The following SNED1 variants were observed in gnomAD, a reference collection of about 807,000 sequenced individuals.
The protein encoded by SNED1 is sushi, nidogen and EGF-like domain-containing protein 1.
A neutral mutation model predicts 166.7 loss-of-function variants in SNED1; 81 were observed. That is an observed-to-expected ratio of 0.49 (90% CI 0.41 to 0.58). The LOEUF is 0.58. Among genes scored for constraint, SNED1 ranks in the 20% least tolerant of loss-of-function variants. SNED1 has a pLI of 0.00. For synonymous variants in SNED1, 762 were observed against 822.0 expected (o/e 0.93, Z 1.25); for missense variants, 1,604 against 2,000.2 (o/e 0.80, Z 3.78).
chr2:241,036,268 C>T (rs974774530), intron 4 of SNED1, among the ~76,000 whole-genome samples: 11 of 151,844 alleles, frequency 7.2e-5, no homozygotes, highest in South Asian at 2.1e-4. Context: ...CACGAACAGG[C>T]CCCCGCTTGC....
chr2:241,068,949 C>T lies in SNED1; in HGVS notation c.3233C>T (p.Thr1078Ile), dbSNP rs930631735. 2.6e-6 allele frequency: 4 copies of T among 1,555,894 alleles called. No homozygotes were observed. The highest frequency in any genetic ancestry group is 3.5e-6 in the Non-Finnish European group (4 of 1,149,960). ...LPGKRYTIQL[T>I]TLSGLRGEEH... Reference sequence around the variant, plus strand: ...GGGAAGAGGTACACCATCCAGCTGACCACCCTCAGTGGGCTCAGGGGAGAG... The same window carrying T: ...GGGAAGAGGTACACCATCCAGCTGATCACCCTCAGTGGGCTCAGGGGAGAG... Residue 1078 changes from threonine (T) to isoleucine (I), a missense_variant, in exon 23 of 32, where the codon ACC (threonine) becomes ATC (isoleucine). Physicochemically the swap from Thr to Ile is moderately conservative, Grantham distance 89 (BLOSUM62 -1). This residue lies in a region of SNED1 where 1,237 missense variants were observed against 1,620.8 expected (regional missense o/e 0.76). Coordinates refer to ENST00000310397, the MANE Select transcript of SNED1 (RefSeq NM_001080437.3). The surrounding 1 kb of genome is among the most constrained non-coding windows in gnomAD (Gnocchi z 5.3).
chr2:241,048,703 C>T lies in SNED1; in HGVS notation c.1441C>T (p.Leu481=), dbSNP rs766043184. The part of the protein sequence containing the change: ...DCECRNGGRC[L]GANTTLCQCP... ...TGAGTGCCGCAACGGAGGCAGATGC[C>T]TGGGCGCCAACACCACCCTCTGCCA... Residue 481 remains leucine, a synonymous_variant, in exon 10 of 32, where the codon CTG becomes TTG. Coordinates refer to ENST00000310397, the MANE Select transcript of SNED1 (RefSeq NM_001080437.3). 6.2e-7 allele frequency: 1 copy of T among 1,612,956 alleles called. No individual in the cohort carries two copies. The highest frequency in any genetic ancestry group is 1.7e-5 in the Admixed American group (1 of 59,922).
chr2:241,077,549 T>G (rs1273528322), intron 27 of SNED1, among the ~76,000 whole-genome samples: 7 of 151,828 alleles, frequency 4.6e-5, no homozygotes, highest in African/African-American at 1.5e-4. Context: ...AATAAAGAGC[T>G]CTGACAACTG....
At chr2:241,020,582 C>G (rs2060741723) in intron 1 of SNED1, among the ~76,000 whole-genome samples, 1 of 152,234 alleles carries the variant, frequency 6.6e-6, no homozygotes, top group East Asian at 1.9e-4. Flanking sequence ...TTTAGGCCAC[C>G]AGGACCTGTT....
chr2:241,020,012 C>T (rs2060724614), intron 1 of SNED1, among the ~76,000 whole-genome samples: 3 of 152,204 alleles, frequency 2.0e-5, no homozygotes, highest in Admixed American at 2.0e-4. Context: ...CTGGGGTCCA[C>T]AGAGGATGGA....
chr2:241,024,235 CTTTTTTTTTTTTT>C (rs10664618), intron 1 of SNED1, among the ~76,000 whole-genome samples: 4 of 46,908 alleles, frequency 8.5e-5, no homozygotes, highest in African/African-American at 3.4e-4. Flanking sequence ...ACTCTACTAC[CTTTTTTTTTTTTT>C]TTTTTTTTTT....
intron 29 of SNED1, 114 bp from the exon 30 acceptor site, chr2:241,087,275 TAGC>T: frequency 2.5e-6 from 2 of 797,272 alleles, no homozygotes; most frequent in Non-Finnish European, 4.0e-6. Context: ...ATTCAGAAAA[TAGC>T]AGTTTTTCCC....
At chr2:241,010,331 C>G (rs749448483) in intron 1 of SNED1, 3 of 152,352 alleles carry the variant, frequency 2.0e-5, no homozygotes, top group Admixed American at 2.0e-4. Context: ...GCTCCCCAGA[C>G]GCTTCAGCTC....
intron 27 of SNED1, among the ~76,000 whole-genome samples, chr2:241,078,674 A>G (rs1319166321): frequency 6.6e-6 from 1 of 151,872 alleles, no homozygotes; most frequent in Non-Finnish European, 1.5e-5. Flanking sequence ...GCTAAAAGGT[A>G]CAAGGTTTCT....
chr2:241,036,728 G>T (rs1479972091), intron 4 of SNED1, 62 bp from the exon 5 acceptor site: 4 of 1,592,374 alleles, frequency 2.5e-6, no homozygotes, highest in Non-Finnish European at 3.4e-6. Flanking sequence ...GCGGATGGGA[G>T]TGGCTCTCCT....
chr2:241,004,049 G>A (rs953873563), intron 1 of SNED1, among the ~76,000 whole-genome samples: 3 of 152,274 alleles, frequency 2.0e-5, no homozygotes, highest in African/African-American at 7.2e-5. Flanking sequence ...TGCATGTATG[G>A]AGGGGAAGAT....
At chr2:241,027,691 C>A (rs1012642608) in intron 1 of SNED1, among the ~76,000 whole-genome samples, 2 of 151,492 alleles carry the variant, frequency 1.3e-5, no homozygotes, top group Non-Finnish European at 2.9e-5. Context: ...CACAAGGGTT[C>A]CAATTTCTCC....
At chr2:241,003,652 T>C (rs1342928732) in intron 1 of SNED1, among the ~76,000 whole-genome samples, 1 of 152,196 alleles carries the variant, frequency 6.6e-6, no homozygotes, top group Non-Finnish European at 1.5e-5. Flanking sequence ...GCACAGCTGT[T>C]GGAACATGGT....
intron 8 of SNED1, among the ~76,000 whole-genome samples, chr2:241,041,967 G>A (rs1019191502): frequency 3.9e-5 from 6 of 152,188 alleles, no homozygotes; most frequent in Non-Finnish European, 8.8e-5. Context: ...GACAGCACAA[G>A]CCTGTCACCC....
rs369014744 is a variant in SNED1 at position 241,069,013 on chromosome 2, C to T, written c.3297C>T (p.His1099=). ...AGAGCCTGGCCACCGCGCCGACGCA[C>T]GTGTGGACCCGTGAGTAGAGCAGCG... ...PTESLATAPT[H]VWTRPLPPAN... The change falls in exon 23 of 32, where the codon CAC becomes CAT. Residue 1099 remains histidine, a synonymous_variant. Coordinates refer to ENST00000310397, the MANE Select transcript of SNED1 (RefSeq NM_001080437.3). The surrounding 1 kb of genome is among the most constrained non-coding windows in gnomAD (Gnocchi z 4.9). 89 of 1,549,974 alleles carry T rather than the reference C, an allele frequency of 5.7e-5. No homozygotes were observed. Among genetic ancestry groups the T allele is most frequent in the African/African-American group, 8.2e-5 (6 of 73,180 alleles).
intron 1 of SNED1, among the ~76,000 whole-genome samples, chr2:241,000,707 A>G (rs981920207): frequency 2.6e-5 from 4 of 152,264 alleles, no homozygotes; most frequent in Non-Finnish European, 5.9e-5. Context: ...AAGATCTGCT[A>G]GGAGAACTAG....
chr2:241,004,447 T>C (rs1244576940), intron 1 of SNED1, among the ~76,000 whole-genome samples: 1 of 152,210 alleles, frequency 6.6e-6, no homozygotes, highest in South Asian at 2.1e-4. Context: ...GTTACATCTG[T>C]TCTCTATAGT....
At position 241,068,188 on chromosome 2, in the gene SNED1, A is replaced by G. The variant is rs1285440853; in HGVS notation, c.3194+241A>G. 6.6e-6 allele frequency among the ~76,000 whole-genome samples: 1 copy of G among 152,166 alleles called. No homozygotes were observed. Among genetic ancestry groups the G allele is most frequent in the Non-Finnish European group, 1.5e-5 (1 of 68,032 alleles). On this transcript the variant is annotated intron_variant, in intron 22 of 31. Coordinates refer to ENST00000310397, the MANE Select transcript of SNED1 (RefSeq NM_001080437.3). The surrounding 1 kb of genome is among the most constrained non-coding windows in gnomAD (Gnocchi z 5.3). Reference sequence around the variant, plus strand: ...CTTGGTAGTGTTTTAAAGTGTCCAAAAAGAGCAGGAAAAGCTCAGAAAATC... The same window carrying G: ...CTTGGTAGTGTTTTAAAGTGTCCAAGAAGAGCAGGAAAAGCTCAGAAAATC...
chr2:241,042,436 T>C (rs1191337084), intron 8 of SNED1, among the ~76,000 whole-genome samples: 1 of 152,154 alleles, frequency 6.6e-6, no homozygotes, highest in Admixed American at 6.5e-5. Context: ...TAAAATCCTA[T>C]ACTCCTCAAC....
Sources: gnomAD v4.1 joint callset for allele counts (sites outside exome capture counted in the v4.1 genomes callset) on GRCh38, gnomAD v4.1.1 for gene constraint, gnomAD v4.1.1 regional missense constraint, Gnocchi (gnomAD v3.1) non-coding constraint, MANE v1.5 for transcripts, NCBI Gene and HGNC (gene_info 2026-07-23, HGNC 2026-07-21) for gene names.